The following LEKR1 variants were observed in gnomAD, a reference collection of about 807,000 sequenced individuals.
LEKR1 encodes the protein protein LEKR1.
A neutral mutation model predicts 72.4 loss-of-function variants in LEKR1; 59 were observed. The ratio of observed to expected loss-of-function variants is 0.82; its 90% CI spans 0.66 to 1.01. LEKR1 has a LOEUF of 1.01. LEKR1 is among the 50% of genes least tolerant of loss of function. The pLI, the probability that LEKR1 is intolerant of heterozygous loss-of-function variation, is 0.00. For missense variants in LEKR1, 728 were observed against 759.2 expected, an observed-to-expected ratio of 0.96 and a Z score of 0.48; for synonymous variants, 257 against 263.2, an observed-to-expected ratio of 0.98 and a Z score of 0.23.
chr3:156,973,765 A>C (rs1453820718), intron 6 of LEKR1, among the ~76,000 whole-genome samples: 2 of 152,152 alleles, frequency 1.3e-5, no homozygotes, highest in Non-Finnish European at 2.9e-5. Flanking sequence ...AAGAAGTATA[A>C]GGTGAGGTGC....
chr3:156,928,610 C>G (rs1175370844), intron 5 of LEKR1, among the ~76,000 whole-genome samples: 1 of 151,986 alleles, frequency 6.6e-6, no homozygotes, highest in Non-Finnish European at 1.5e-5. Flanking sequence ...GGATAGAGAT[C>G]AAGGCAACCT....
intron 9 of LEKR1, among the ~76,000 whole-genome samples, chr3:156,996,414 T>C (rs143951294): frequency 9.7e-4 from 147 of 152,178 alleles, no homozygotes; most frequent in African/African-American, 3.4e-3. Context: ...GCTAGTGGCA[T>C]AGTAAGTGTG....
chr3:157,039,944 G>A (rs1365336035), intron 12 of LEKR1, among the ~76,000 whole-genome samples: 1 of 152,116 alleles, frequency 6.6e-6, no homozygotes, highest in Non-Finnish European at 1.5e-5. Flanking sequence ...GAGGGTAAAG[G>A]GAGGTTCTCC....
intron 9 of LEKR1, among the ~76,000 whole-genome samples, chr3:157,009,926 A>AGTT (rs1336422690): frequency 6.6e-6 from 1 of 152,036 alleles, no homozygotes; most frequent in Non-Finnish European, 1.5e-5. Context: ...GAGCTTTGGT[A>AGTT]GTTTGTTTAA....
In LEKR1 at chr3:156,993,367, A is replaced by G. The variant is rs189831181; in HGVS notation, c.1109+90A>G. 8 of 780,436 alleles carry G rather than the reference A, an allele frequency of 1.0e-5. No individual in the cohort carries two copies. In the African/African-American group the frequency reaches 1.4e-4, roughly 14 times the overall value. 48.3% of individuals were successfully genotyped at this position (780,436 alleles called of 1,614,324 possible). On this transcript the variant is annotated intron_variant, in intron 9 of 12. Transcript: ENST00000356539. ...GCAACATCAGTGTCTGACATATTATAACAATAGTGAAATCACAGGACTAAA... is the reference window on the plus strand; with the variant it reads ...GCAACATCAGTGTCTGACATATTATGACAATAGTGAAATCACAGGACTAAA...
At chr3:156,922,807 AG>A in intron 4 of LEKR1, among the ~76,000 whole-genome samples, 1 of 152,318 alleles carries the variant, frequency 6.6e-6, no homozygotes, top group Middle Eastern at 3.4e-3. Context: ...CACCTCACAA[AG>A]TTGTGTTTAA....
intron 3 of LEKR1, among the ~76,000 whole-genome samples, chr3:156,910,774 G>T (rs562548177): frequency 1.3e-5 from 2 of 152,270 alleles, no homozygotes; most frequent in Admixed American, 6.5e-5. Flanking sequence ...TTGATTCCGT[G>T]TCTTTGCTAT....
intron 5 of LEKR1, among the ~76,000 whole-genome samples, chr3:156,936,279 G>A (rs1725690568): frequency 6.6e-6 from 1 of 151,958 alleles, no homozygotes; most frequent in African/African-American, 2.4e-5. Flanking sequence ...CAACCACACT[G>A]GCCTCTGTGT....
chr3:156,855,358 G>A (rs550955347), intron 3 of LEKR1, among the ~76,000 whole-genome samples: 6 of 152,070 alleles, frequency 3.9e-5, no homozygotes, highest in Non-Finnish European at 7.4e-5. Context: ...ATGTTACCTC[G>A]TGGTTATTTA....
At chr3:156,841,350 A>G (rs996721066) in intron 2 of LEKR1, among the ~76,000 whole-genome samples, 2 of 152,366 alleles carry the variant, frequency 1.3e-5, no homozygotes, top group African/African-American at 2.4e-5. Context: ...TAAGGTTTTT[A>G]TGAGAGTTAT....
rs372688719 is a variant in LEKR1 at position 157,028,090 on chromosome 3, A to T, written c.1369-13A>T. 8 of 1,528,558 alleles carry T rather than the reference A, an allele frequency of 5.2e-6. No homozygotes were observed. Among genetic ancestry groups the T allele is most frequent in the Admixed American group, 2.1e-5 (1 of 46,674 alleles). The allele number at this position is 1,528,558 out of a possible 1,614,324, so 94.7% of individuals were successfully genotyped here. A position where few individuals can be genotyped will look rare whatever the true frequency, so the allele number is the denominator to read the frequency against. On this transcript the variant is annotated splice_polypyrimidine_tract_variant and intron_variant, in intron 11 of 12. Coordinates refer to ENST00000356539, the MANE Select transcript of LEKR1 (RefSeq NM_001004316.3). Reference sequence around the variant, plus strand: ...ACTATCGCCTACAAGCTAATATGAGATTTATCTTACAGATATCTGACTTAA... The same window carrying T: ...ACTATCGCCTACAAGCTAATATGAGTTTTATCTTACAGATATCTGACTTAA...
chr3:157,030,353 A>G (rs1734512976), intron 12 of LEKR1, among the ~76,000 whole-genome samples: 1 of 152,192 alleles, frequency 6.6e-6, no homozygotes, highest in Non-Finnish European at 1.5e-5. Flanking sequence ...TCCATACCCC[A>G]TAACAGCATC....
At chr3:156,938,416 G>GT (rs1560095052) in intron 5 of LEKR1, among the ~76,000 whole-genome samples, 1 of 152,104 alleles carries the variant, frequency 6.6e-6, no homozygotes, top group East Asian at 1.9e-4. Flanking sequence ...GTCTTGCTCT[G>GT]TTGCCCAGGC....
rs140398595 is a variant in LEKR1 at position 157,045,706 on chromosome 3, C to T, written c.2035C>T (p.Gln679Ter). Residue 679 changes from glutamine to a stop codon, truncating the protein, a stop_gained, in exon 13 of 13, where the codon CAG (glutamine) becomes TAG (stop). Coordinates refer to ENST00000356539, the MANE Select transcript of LEKR1 (RefSeq NM_001004316.3). LOFTEE classifies it high-confidence loss of function. ...AGCATCTTCAGCAAATGAGACTAGA[C>T]AGAGACTGGCTGCCATTCTTAGGAG... ...GGASSANETR[Q>*]RLAAILRRRR... The T allele has an allele frequency of 1.4e-5, 23 of 1,612,506 alleles. No homozygotes were observed. The highest frequency in any genetic ancestry group is 9.3e-5 in the African/African-American group (7 of 74,932).
At chr3:156,967,130 G>A (rs1436342741) in intron 6 of LEKR1, among the ~76,000 whole-genome samples, 5 of 152,094 alleles carry the variant, frequency 3.3e-5, no homozygotes, top group Admixed American at 6.6e-5. Context: ...CCATCTGTAC[G>A]TCACCATCAT....
At chr3:156,920,846 A>G in intron 4 of LEKR1, 152 bp downstream of exon 4, 1 of 497,400 alleles carries the variant, frequency 2.0e-6, no homozygotes, top group Non-Finnish European at 3.5e-6. Context: ...TTCTTTTTTA[A>G]ACCATTATCT....
intron 3 of LEKR1, among the ~76,000 whole-genome samples, chr3:156,904,592 T>G (rs183421309): frequency 6.6e-6 from 1 of 151,450 alleles, no homozygotes; most frequent in Non-Finnish European, 1.5e-5. Flanking sequence ...CTGGAGTAAC[T>G]GGACTGCAGA....
At position 156,889,547 on chromosome 3, in the gene LEKR1, A is replaced by C. The variant is rs543442241; in HGVS notation, c.264-31028A>C. ...CTGGGGTTGATTCTGAAAACATTTT[A>C]TGCCCATGAAAACAAATGTTTGTAA... On this transcript the variant is annotated intron_variant, in intron 3 of 12. Transcript: ENST00000356539. 2.0e-5 allele frequency among the ~76,000 whole-genome samples: 3 copies of C among 152,310 alleles called. No individual in the cohort carries two copies. In the South Asian group the frequency reaches 6.2e-4, roughly 32 times the overall value.
intron 2 of LEKR1, among the ~76,000 whole-genome samples, chr3:156,847,731 A>AC (rs564637571): frequency 7.0e-4 from 106 of 152,328 alleles, no homozygotes; most frequent in African/African-American, 2.5e-3. Flanking sequence ...TGCTTACTTA[A>AC]TGATTCAGGT....
Sources: allele counts gnomAD v4.1 joint callset (sites outside exome capture counted in the v4.1 genomes callset), GRCh38; gene constraint gnomAD v4.1.1; transcripts MANE v1.5; gene names NCBI Gene and HGNC (gene_info 2026-07-23, HGNC 2026-07-21).